Variants in RALY observed in about 807,000 individuals in gnomAD.
RALY encodes RNA-binding protein Raly.
In RALY, 15 loss-of-function variants were observed where a neutral mutation model predicts 30.7. The ratio of observed to expected loss-of-function variants is 0.49; its 90% confidence interval spans 0.33 to 0.75. The LOEUF (loss-of-function observed/expected upper bound fraction) is 0.75, where lower values mean the gene tolerates loss of function less well. Ranked by LOEUF, RALY falls within the 30% of genes least tolerant of loss-of-function variation. The pLI, the probability that RALY is intolerant of heterozygous loss-of-function variation, is 0.02. For synonymous variants in RALY, 177 were observed against 170.8 expected, an observed-to-expected ratio of 1.04 and a Z score of -0.28; for missense variants, 339 against 414.3, an observed-to-expected ratio of 0.82 and a Z score of 1.58.
At chr20:34,028,752 C>T (rs2123086326) in intron 1 of RALY, among the ~76,000 whole-genome samples, 1 of 133,222 alleles carries the variant, frequency 7.5e-6, no homozygotes, top group South Asian at 2.4e-4. Context: ...GAGAGAGTGG[C>T]AAGAAAAGGG....
intron 1 of RALY, among the ~76,000 whole-genome samples, chr20:34,011,698 G>A (rs1387373692): frequency 6.6e-6 from 1 of 152,138 alleles, no homozygotes; most frequent in African/African-American, 2.4e-5. Context: ...ATCCCTTCTC[G>A]TTGACTCCCC....
chr20:34,076,861 G>A, intron 7 of RALY, 46 bp downstream of exon 7: 10 of 1,601,538 alleles, frequency 6.2e-6, no homozygotes, highest in Non-Finnish European at 8.5e-6. Flanking sequence ...CAGGGCACAG[G>A]GCAGAGCATG....
chr20:34,073,909 T>C, intron 5 of RALY, 43 bp downstream of exon 5: 1 of 1,593,294 alleles, frequency 6.3e-7, no homozygotes, highest in South Asian at 1.1e-5. Flanking sequence ...ACAGCCAAGC[T>C]GGAAGGGTCT....
intron 1 of RALY, among the ~76,000 whole-genome samples, chr20:34,026,877 A>G (rs2032063674): frequency 6.6e-6 from 1 of 152,184 alleles, no homozygotes; most frequent in Admixed American, 6.5e-5. Flanking sequence ...GACTCTGAAT[A>G]TGGAGCTTGA....
chr20:33,994,913 C>T (rs1172257464), intron 1 of RALY, among the ~76,000 whole-genome samples: 1 of 152,182 alleles, frequency 6.6e-6, no homozygotes, highest in Non-Finnish European at 1.5e-5. Context: ...TCTGGTTTAT[C>T]CTCATTTACA....
intron 2 of RALY, among the ~76,000 whole-genome samples, chr20:34,043,786 G>GT (rs2032783282): frequency 1.3e-5 from 2 of 152,144 alleles, no homozygotes; most frequent in Non-Finnish European, 1.5e-5. Context: ...CGGCACAGAA[G>GT]TAAGTCTTAG....
rs139003284 is a variant in RALY, at chr20:34,075,917, A to G, written c.421A>G (p.Arg141Gly). 3.7e-6 allele frequency: 6 copies of G among 1,613,984 alleles called. No homozygotes were observed. The highest frequency in any genetic ancestry group is 5.1e-6 in the Non-Finnish European group (6 of 1,179,998). Residue 141 changes from arginine to glycine, a missense_variant, in exon 6 of 10, where the codon AGG (arginine) becomes GGG (glycine). This residue lies in a region of RALY where 268 missense variants were observed against 280.6 expected (regional missense o/e 0.95). Coordinates refer to ENST00000246194, the MANE Select transcript of RALY (RefSeq NM_016732.3). ...CCGTCTGTCGCCCGTGCCAGTGCCC[A>G]GGGCGGTCCCTGTGAAGCGACCCCG... ...RGRLSPVPVPRAVPVKRPRVT... is the reference protein window; with the variant it reads ...RGRLSPVPVPGAVPVKRPRVT...
At chr20:34,029,619 AT>A (rs1027382413) in intron 1 of RALY, among the ~76,000 whole-genome samples, 4 of 151,914 alleles carry the variant, frequency 2.6e-5, no homozygotes, top group Non-Finnish European at 5.9e-5. Context: ...GAGCATGAAT[AT>A]TTGGAGTCTA....
At chr20:34,010,127 A>C (rs575342569) in intron 1 of RALY, among the ~76,000 whole-genome samples, 6 of 152,180 alleles carry the variant, frequency 3.9e-5, no homozygotes, top group Non-Finnish European at 8.8e-5. Context: ...CATTTTTTGC[A>C]ATCCCTATTA....
intron 1 of RALY, among the ~76,000 whole-genome samples, chr20:34,007,820 CAAAA>C (rs10649045): frequency 1.2e-4 from 12 of 101,588 alleles, no homozygotes; most frequent in Middle Eastern, 5.8e-3. Context: ...AACTCCGTCT[CAAAA>C]AAAAAAAAAA....
intron 2 of RALY, among the ~76,000 whole-genome samples, chr20:34,032,993 C>T (rs896796885): frequency 1.3e-5 from 2 of 152,064 alleles, no homozygotes; most frequent in African/African-American, 4.8e-5. Context: ...TAGGAAGAAC[C>T]TTCAAGCAGG....
chr20:34,015,971 C>T (rs958360926), intron 1 of RALY, among the ~76,000 whole-genome samples: 1 of 152,138 alleles, frequency 6.6e-6, no homozygotes, highest in African/African-American at 2.4e-5. Flanking sequence ...TACCCTCTTA[C>T]ACCCCTGTCC....
At chr20:34,037,413 T>C (rs1446932530) in intron 2 of RALY, among the ~76,000 whole-genome samples, 1 of 152,214 alleles carries the variant, frequency 6.6e-6, no homozygotes, top group Admixed American at 6.5e-5. Flanking sequence ...GCTGCCCGCC[T>C]CATGGACTTC....
At chr20:34,009,518 G>C (rs915579516) in intron 1 of RALY, among the ~76,000 whole-genome samples, 10 of 152,060 alleles carry the variant, frequency 6.6e-5, no homozygotes, top group South Asian at 2.1e-4. Context: ...TTATAGGTGT[G>C]AGCCACCACG....
In RALY at chr20:34,083,498, T is replaced by G. The variant is rs1032046450; in HGVS notation, c.*3593T>G. The G allele has an allele frequency of 2.6e-5, 4 of 152,234 alleles. No homozygotes were observed. The highest frequency in any genetic ancestry group is 9.6e-5 in the African/African-American group (4 of 41,462). The allele number at this position is 152,234 out of a possible 1,614,324, so 9.4% of individuals were successfully genotyped here. ...GTAAGTCACATGGCTAAGCCCAAATTCTTCTTAACAGGAGGAGCTTCAAAA... is the reference window on the plus strand; with the variant it reads ...GTAAGTCACATGGCTAAGCCCAAATGCTTCTTAACAGGAGGAGCTTCAAAA... On this transcript the variant is annotated 3_prime_UTR_variant, in exon 10 of 10. Transcript: ENST00000246194.
chr20:34,012,838 G>A (rs926892920), intron 1 of RALY, among the ~76,000 whole-genome samples: 3 of 152,218 alleles, frequency 2.0e-5, no homozygotes, highest in African/African-American at 7.2e-5. Context: ...CTGTTTCCCT[G>A]TGTTTCTGCC....
intron 1 of RALY, among the ~76,000 whole-genome samples, chr20:34,009,135 A>G (rs559019151): frequency 5.9e-5 from 9 of 152,170 alleles, no homozygotes; most frequent in South Asian, 2.1e-4. Context: ...GACGCTGACC[A>G]TGAGCAATTT....
intron 2 of RALY, among the ~76,000 whole-genome samples, chr20:34,037,830 G>C (rs958655309): frequency 1.3e-5 from 2 of 152,214 alleles, no homozygotes; most frequent in African/African-American, 2.4e-5. Flanking sequence ...TGTTTGACCA[G>C]AGTGGACCTG....
Position 34,054,085 on chromosome 20 carries a change from CCTT to C in RALY, c.-9-17978_-9-17976del, listed in dbSNP as rs763756899. ...TCTTTCTCATCAGTGTCTTACATCTCCTTCTATTCTGCTGATGGATGAGGAATT... is the reference window on the plus strand; with the variant it reads ...TCTTTCTCATCAGTGTCTTACATCTCCTATTCTGCTGATGGATGAGGAATT... On this transcript the variant is annotated intron_variant, in intron 2 of 9. Transcript: ENST00000246194. Among the ~76,000 whole-genome samples, 60 of 152,168 alleles carry C rather than the reference CCTT, an allele frequency of 3.9e-4. 1 individual carries two copies. The highest frequency in any genetic ancestry group is 2.2e-3 in the Admixed American group (33 of 15,274).
Sources: allele counts gnomAD v4.1 joint callset (sites outside exome capture counted in the v4.1 genomes callset), GRCh38; gene constraint gnomAD v4.1.1; regional missense constraint gnomAD v4.1.1; transcripts MANE v1.5; gene names NCBI Gene and HGNC (gene_info 2026-07-23, HGNC 2026-07-21).